TFAP2E: variants seen among roughly 807,000 people sequenced by gnomAD.
TFAP2E encodes the protein transcription factor AP-2-epsilon.
Under a neutral mutation model 37.9 loss-of-function variants are expected in TFAP2E, and 30 were observed. The ratio of observed to expected loss-of-function variants is 0.79; its 90% CI spans 0.59 to 1.07. The LOEUF (loss-of-function observed/expected upper bound fraction) is 1.07. TFAP2E is among the 50% of genes least tolerant of loss of function. The pLI, the probability that TFAP2E is intolerant of heterozygous loss-of-function variation, is 0.00. For synonymous variants in TFAP2E, 318 were observed against 295.8 expected (o/e 1.08, Z -0.77); for missense variants, 567 against 637.9 (o/e 0.89, Z 1.20).
In TFAP2E at chr1:35,574,021, C is replaced by A. The variant is rs1233081241; in HGVS notation, c.122C>A (p.Thr41Lys). ...AYGPAPPLCH[T>K]PAATAAAEFQ... is the part of the protein sequence containing the mutation. ...GGGCCGGCGCCCCCGCTCTGCCACA[C>A]GCCGGCCGCCACAGCTGCCGCCGAA... Residue 41 changes from threonine (T) to lysine (K), a missense_variant, in exon 2 of 7, where the codon ACG (threonine) becomes AAG (lysine). Physicochemically the swap from Thr to Lys is moderately conservative, Grantham distance 78. Transcript: ENST00000373235. 14 of 1,486,280 alleles carry A rather than the reference C, an allele frequency of 9.4e-6. No homozygotes were observed. The highest frequency in any genetic ancestry group is 2.2e-5 in the Admixed American group (1 of 45,776). 92.1% of individuals were successfully genotyped at this position (1,486,280 alleles called of 1,614,324 possible). A position where few individuals can be genotyped will look rare whatever the true frequency, so the allele number is the denominator to read the frequency against.
chr1:35,592,429 G>T (rs1260016403), intron 6 of TFAP2E, among the ~76,000 whole-genome samples: 1 of 152,048 alleles, frequency 6.6e-6, no homozygotes, highest in Non-Finnish European at 1.5e-5. Flanking sequence ...ACAGAATCTT[G>T]TTCTGTTGCC....
intron 6 of TFAP2E, 104 bp from the exon 7 acceptor site, chr1:35,594,290 C>T (rs1230732403): frequency 7.1e-7 from 1 of 1,411,554 alleles, no homozygotes; most frequent in Non-Finnish European, 9.5e-7. Context: ...TTGGGAGGGT[C>T]AGCAATTGTG....
In TFAP2E at chr1:35,577,529, G is replaced by T. The variant is rs1393295399; in HGVS notation, c.562+2529G>T. The T allele has an allele frequency of 2.2e-6, 1 of 451,552 alleles. No individual in the cohort carries two copies. The highest frequency in any genetic ancestry group is 2.0e-5 in the African/African-American group (1 of 50,098). The allele number at this position is 451,552 out of a possible 1,614,324, so 28.0% of individuals were successfully genotyped here. A position where few individuals can be genotyped will look rare whatever the true frequency, so the allele number is the denominator to read the frequency against. ...GAAAGTCGCTCTTTGGCCACCTGAA[G>T]CGTCGGATCCCTACAGTGCCTCCCA... On this transcript the variant is annotated intron_variant, in intron 3 of 6. Transcript: ENST00000373235. This position sits in a 1 kb window ranked among gnomAD's most constrained non-coding sequence, Gnocchi z 6.3.
intron 3 of TFAP2E, among the ~76,000 whole-genome samples, chr1:35,579,260 G>A (rs567447807): frequency 6.6e-6 from 1 of 151,278 alleles, no homozygotes; most frequent in Non-Finnish European, 1.5e-5. Flanking sequence ...GCTGGGTGGG[G>A]TGGCAGGCAC....
intron 6 of TFAP2E, among the ~76,000 whole-genome samples, chr1:35,591,900 C>A (rs1280334507): frequency 6.6e-6 from 1 of 152,150 alleles, no homozygotes; most frequent in African/African-American, 2.4e-5. Context: ...GTTGGCCAGG[C>A]TGGTCTCGAA....
Position 35,574,125 on chromosome 1 carries a change from T to C in TFAP2E, c.226T>C (p.Phe76Leu). ...TCAGGCGCCCGACGCCGCCGCAGCCTTTCCCCACCTGGCAGGGGACCCATA... is the reference window on the plus strand; with the variant it reads ...TCAGGCGCCCGACGCCGCCGCAGCCCTTCCCCACCTGGCAGGGGACCCATA... Reference protein sequence around the residue: ...YGQAPDAAAAFPHLAGDPYGG... With the variant: ...YGQAPDAAAALPHLAGDPYGG... The change falls in exon 2 of 7, where the codon TTT (phenylalanine) becomes CTT (leucine). Residue 76 changes from phenylalanine to leucine, a missense_variant. This residue lies in a region of TFAP2E where 312 missense variants were observed against 317.4 expected (regional missense o/e 0.98). Transcript: ENST00000373235. 6.9e-7 allele frequency: 1 copy of C among 1,454,804 alleles called. No homozygotes were observed. The highest frequency in any genetic ancestry group is 1.3e-5 in the South Asian group (1 of 79,150). The allele number at this position is 1,454,804 out of a possible 1,614,324, so 90.1% of individuals were successfully genotyped here.
chr1:35,594,318 A>T, intron 6 of TFAP2E, 76 bp from the exon 7 acceptor site: 1 of 1,547,190 alleles, frequency 6.5e-7, no homozygotes, highest in Non-Finnish European at 8.7e-7. Flanking sequence ...TGTCTGTAAA[A>T]TGCCTAGCAT....
rs1373957727 is a variant in TFAP2E at position 35,588,320 on chromosome 1, T to G, written c.563-10T>G. The G allele has an allele frequency of 6.2e-7, 1 of 1,603,136 alleles. No homozygotes were observed. Reference sequence around the variant, plus strand: ...CAGCCACTGGCTCAGCGTTTCCCTCTTCTCCACAGTGCCCATCCCCTCCAA... The same window carrying G: ...CAGCCACTGGCTCAGCGTTTCCCTCGTCTCCACAGTGCCCATCCCCTCCAA... On this transcript the variant is annotated splice_polypyrimidine_tract_variant and intron_variant, in intron 3 of 6. Coordinates refer to ENST00000373235, the MANE Select transcript of TFAP2E (RefSeq NM_178548.4). The surrounding 1 kb of genome is among the most constrained non-coding windows in gnomAD (Gnocchi z 5.1).
chr1:35,574,339 C>G lies in TFAP2E; in HGVS notation c.440C>G (p.Ala147Gly). 1 of 1,445,966 alleles carries G rather than the reference C, an allele frequency of 6.9e-7. No individual in the cohort carries two copies. Among genetic ancestry groups the G allele is most frequent in the Non-Finnish European group, 9.0e-7 (1 of 1,110,588 alleles). 89.6% of individuals were successfully genotyped at this position (1,445,966 alleles called of 1,614,324 possible). A position where few individuals can be genotyped will look rare whatever the true frequency, so the allele number is the denominator to read the frequency against. The change falls in exon 2 of 7, where the codon GCG becomes GGG. Residue 147 changes from alanine to glycine, a missense_variant. Ala to Gly is a moderately conservative substitution (Grantham distance 60). Coordinates refer to ENST00000373235, the MANE Select transcript of TFAP2E (RefSeq NM_178548.4). ...PRLLHGLADGAHGLADAPLGL... is the reference protein window; with the variant it reads ...PRLLHGLADGGHGLADAPLGL... Reference sequence around the variant, plus strand: ...CTCCTGCACGGCCTGGCCGACGGCGCGCACGGCCTGGCAGACGCACCTCTC... The same window carrying G: ...CTCCTGCACGGCCTGGCCGACGGCGGGCACGGCCTGGCAGACGCACCTCTC...
intron 2 of TFAP2E, chr1:35,574,621 G>A: frequency 3.6e-6 from 3 of 838,590 alleles, no homozygotes; most frequent in Non-Finnish European, 5.3e-6. Flanking sequence ...GTGCGTGGGT[G>A]GCAGCAACCC....
At chr1:35,593,245 G>T (rs990294672) in intron 6 of TFAP2E, among the ~76,000 whole-genome samples, 1 of 152,126 alleles carries the variant, frequency 6.6e-6, no homozygotes, top group Non-Finnish European at 1.5e-5. Flanking sequence ...GGAGGCTGAG[G>T]TTGAGACTGC....
chr1:35,587,597 C>G lies in TFAP2E; in HGVS notation c.563-733C>G, dbSNP rs1337974851. Reference sequence around the variant, plus strand: ...AGGTTGCGGTGAGCCGAGATGGTACCACTGCACTCCAGCCTGGTGACAGAG... The same window carrying G: ...AGGTTGCGGTGAGCCGAGATGGTACGACTGCACTCCAGCCTGGTGACAGAG... On this transcript the variant is annotated intron_variant, in intron 3 of 6. Transcript: ENST00000373235. Among the ~76,000 whole-genome samples the G allele has an allele frequency of 8.0e-5, 11 of 137,240 alleles. 1 individual carries two copies. The Admixed American group carries it at 9.0e-4, about 11-fold the overall frequency. The allele number at this position is 137,240 out of a possible 152,430, so 90.0% of individuals were successfully genotyped here. A position where few individuals can be genotyped will look rare whatever the true frequency, so the allele number is the denominator to read the frequency against.
Position 35,590,625 on chromosome 1 carries a change from T to TC in TFAP2E, c.905-3dup, listed in dbSNP as rs777558753. 3 of 1,455,910 alleles carry TC rather than the reference T, an allele frequency of 2.1e-6. No homozygotes were observed. Among genetic ancestry groups the TC allele is most frequent in the South Asian group, 3.0e-5 (2 of 66,270 alleles). The allele number at this position is 1,455,910 out of a possible 1,614,324, so 90.2% of individuals were successfully genotyped here. ...CACCCTGCAGTAGTGACAGCTCCCC[T>TC]CCCCCCAGGAGAGGCCGTGCACCTG... On this transcript the variant is annotated splice_polypyrimidine_tract_variant and intron_variant, in intron 5 of 6. Coordinates refer to ENST00000373235, the MANE Select transcript of TFAP2E (RefSeq NM_178548.4). The surrounding 1 kb of genome is among the most constrained non-coding windows in gnomAD (Gnocchi z 6.2).
intron 3 of TFAP2E, among the ~76,000 whole-genome samples, chr1:35,581,580 T>C (rs1282055056): frequency 6.6e-6 from 1 of 151,902 alleles, no homozygotes; most frequent in Non-Finnish European, 1.5e-5. Context: ...TTTTTTCTTT[T>C]TTTTTTTTTG....
At chr1:35,575,155 C>T (rs1195041628) in intron 3 of TFAP2E, among the ~76,000 whole-genome samples, 155 bp downstream of exon 3, 1 of 152,216 alleles carries the variant, frequency 6.6e-6, no homozygotes, top group Non-Finnish European at 1.5e-5. Flanking sequence ...GGCAGACGTG[C>T]GGGCTTGGTG....
chr1:35,585,008 A>G (rs1649446717), intron 3 of TFAP2E, among the ~76,000 whole-genome samples: 1 of 152,030 alleles, frequency 6.6e-6, no homozygotes, highest in Non-Finnish European at 1.5e-5. Flanking sequence ...TAGGGAAGAC[A>G]CCCATGGAAA....
chr1:35,575,022 C>A (rs1447344167), intron 3 of TFAP2E, 22 bp downstream of exon 3: 1 of 1,613,736 alleles, frequency 6.2e-7, no homozygotes, highest in South Asian at 1.1e-5. Context: ...TCTGTCAGGG[C>A]AGAGCCCGGC....
intron 3 of TFAP2E, among the ~76,000 whole-genome samples, chr1:35,586,576 T>TACA (rs1324344230): frequency 3.3e-5 from 5 of 151,844 alleles, no homozygotes; most frequent in Non-Finnish European, 7.4e-5. Flanking sequence ...AGTGGCCACA[T>TACA]ACAAGGCACA....
At chr1:35,591,026 G>A (rs1234974894) in intron 6 of TFAP2E, among the ~76,000 whole-genome samples, 1 of 152,072 alleles carries the variant, frequency 6.6e-6, no homozygotes, top group Non-Finnish European at 1.5e-5. Context: ...GCGCGCCACT[G>A]TGTACACGAG....
Sources: allele counts gnomAD v4.1 joint callset (sites outside exome capture counted in the v4.1 genomes callset), GRCh38; gene constraint gnomAD v4.1.1; regional missense constraint gnomAD v4.1.1; non-coding constraint Gnocchi (gnomAD v3.1); transcripts MANE v1.5; gene names NCBI Gene and HGNC (gene_info 2026-07-23, HGNC 2026-07-21).